Variants in ATG7 observed in about 807,000 individuals in gnomAD.
ATG7 encodes ubiquitin-like modifier-activating enzyme ATG7.
Under a neutral mutation model 82.4 loss-of-function variants are expected in ATG7, and 70 were observed. The ratio of observed to expected loss-of-function variants is 0.85; its 90% CI spans 0.70 to 1.04. ATG7 has a LOEUF of 1.04. Among genes scored for constraint, ATG7 ranks in the 50% least tolerant of loss-of-function variants. ATG7 has a pLI of 0.00. For synonymous variants in ATG7, 287 were observed against 313.0 expected (o/e 0.92, Z 0.88); for missense variants, 792 against 864.3 (o/e 0.92, Z 1.05).
intron 18 of ATG7, among the ~76,000 whole-genome samples, chr3:11,370,534 G>A (rs1316703197): frequency 1.3e-5 from 2 of 151,274 alleles, no homozygotes; most frequent in Non-Finnish European, 2.9e-5. Flanking sequence ...CCAAGCTTTA[G>A]AAATATTGCC....
intron 20 of ATG7, among the ~76,000 whole-genome samples, chr3:11,523,022 G>T (rs2092481679): frequency 6.6e-6 from 1 of 152,178 alleles, no homozygotes; most frequent in South Asian, 2.1e-4. Context: ...TTTCAGAGGT[G>T]CCGATGAAAT....
chr3:11,424,555 A>G (rs1017332100), intron 19 of ATG7, among the ~76,000 whole-genome samples: 1 of 151,772 alleles, frequency 6.6e-6, no homozygotes, highest in Non-Finnish European at 1.5e-5. Context: ...TGATTAAATT[A>G]TGGTGTATTT....
intron 20 of ATG7, among the ~76,000 whole-genome samples, chr3:11,517,235 G>C (rs2092307558): frequency 6.6e-6 from 1 of 152,128 alleles, no homozygotes; most frequent in South Asian, 2.1e-4. Flanking sequence ...CAGCTACTGG[G>C]GAGGCTGAGG....
intron 20 of ATG7, among the ~76,000 whole-genome samples, chr3:11,441,019 T>A (rs1462345920): frequency 6.6e-6 from 1 of 152,006 alleles, no homozygotes; most frequent in African/African-American, 2.4e-5. Flanking sequence ...GTGAAAAAAA[T>A]TCAGTATTAA....
intron 20 of ATG7, among the ~76,000 whole-genome samples, chr3:11,469,803 A>G (rs532590986): frequency 6.6e-6 from 1 of 151,928 alleles, no homozygotes; most frequent in African/African-American, 2.4e-5. Context: ...CCTGAACAAC[A>G]TGGTGAAATC....
At chr3:11,300,051 A>G (rs1185580781) in intron 5 of ATG7, among the ~76,000 whole-genome samples, 1 of 151,998 alleles carries the variant, frequency 6.6e-6, no homozygotes. Context: ...TAGCCTCCCA[A>G]GTAGCTGGGA....
In ATG7 at chr3:11,412,337, CAAGCTTTAACAGCAG is replaced by C. The variant is rs1035400161; in HGVS notation, c.1957-14463_1957-14449del. Among the ~76,000 whole-genome samples, 13 of 149,706 alleles carry C rather than the reference CAAGCTTTAACAGCAG, an allele frequency of 8.7e-5. 1 individual carries two copies. Among genetic ancestry groups the C allele is most frequent in the Admixed American group, 1.3e-4 (2 of 14,934 alleles). On this transcript the variant is annotated intron_variant, in intron 19 of 20. Transcript: ENST00000693202. ...ACTCAGATAAAACAAATATGAGTTT[CAAGCTTTAACAGCAG>C]AAGGGTCAATTTCCATGTTTATCCA... is the stretch of plus-strand genomic sequence containing the variant.
chr3:11,365,988 G>A (rs2076579789), intron 18 of ATG7, among the ~76,000 whole-genome samples: 2 of 152,092 alleles, frequency 1.3e-5, no homozygotes, highest in Non-Finnish European at 2.9e-5. Flanking sequence ...GGGAGGCCGA[G>A]GCGGGTGGAT....
chr3:11,273,957 G>A (rs1402510057), intron 1 of ATG7, among the ~76,000 whole-genome samples: 1 of 152,164 alleles, frequency 6.6e-6, no homozygotes, highest in African/African-American at 2.4e-5. Context: ...AATGGCTCAT[G>A]TTGCTAAACT....
At chr3:11,459,281 C>G (rs1020458263) in intron 20 of ATG7, among the ~76,000 whole-genome samples, 2 of 151,632 alleles carry the variant, frequency 1.3e-5, no homozygotes, top group Non-Finnish European at 2.9e-5. Context: ...TGCCCTGATT[C>G]ATAGATGGCT....
At chr3:11,365,690 CCTT>C (rs1213785786) in intron 18 of ATG7, among the ~76,000 whole-genome samples, 1 of 152,174 alleles carries the variant, frequency 6.6e-6, no homozygotes, top group Non-Finnish European at 1.5e-5. Context: ...TCGCCACCCA[CCTT>C]CTGCCAGCTA....
chr3:11,544,096 C>T (rs1220743993), intron 20 of ATG7, among the ~76,000 whole-genome samples: 1 of 152,248 alleles, frequency 6.6e-6, no homozygotes, highest in African/African-American at 2.4e-5. Flanking sequence ...CAGTCTGAAG[C>T]AGTCACACCG....
chr3:11,309,665 C>T (rs937094952), intron 7 of ATG7, among the ~76,000 whole-genome samples: 1 of 152,030 alleles, frequency 6.6e-6, no homozygotes, highest in South Asian at 2.1e-4. Context: ...ACCAGCTATG[C>T]ATGCATGCGC....
Position 11,555,459 on chromosome 3 carries a change from C to T in ATG7, c.*616C>T, listed in dbSNP as rs1235941407. On this transcript the variant is annotated 3_prime_UTR_variant, in exon 21 of 21. Transcript: ENST00000693202. ...GAGCTGCTCAGACATGGCTTTCTGC[C>T]TCCCAGCCTGTCCTCCACTGTGGGC... 1.3e-5 allele frequency: 2 copies of T among 152,700 alleles called. No individual in the cohort carries two copies. Among genetic ancestry groups the T allele is most frequent in the Non-Finnish European group, 2.9e-5 (2 of 68,450 alleles). 9.5% of individuals were successfully genotyped at this position (152,700 alleles called of 1,614,324 possible).
chr3:11,394,275 TA>T (rs1269463590), intron 19 of ATG7, among the ~76,000 whole-genome samples: 3 of 152,216 alleles, frequency 2.0e-5, no homozygotes. Context: ...ATATATTATA[TA>T]ACAGAATGCT....
At chr3:11,562,850 G>A in the ATG7 span, among the ~76,000 whole-genome samples, 1 of 152,244 alleles carries the variant, frequency 6.6e-6, no homozygotes, top group East Asian at 1.9e-4. Flanking sequence ...GTCCAGGCCA[G>A]GATCCCATAA....
At chr3:11,283,210 G>A (rs1943366968) in intron 3 of ATG7, among the ~76,000 whole-genome samples, 1 of 152,154 alleles carries the variant, frequency 6.6e-6, no homozygotes, top group African/African-American at 2.4e-5. Context: ...CCTCTGTTGT[G>A]CTTGCAGAGC....
At chr3:11,516,565 C>T (rs1403265169) in intron 20 of ATG7, among the ~76,000 whole-genome samples, 1 of 152,158 alleles carries the variant, frequency 6.6e-6, no homozygotes, top group African/African-American at 2.4e-5. Flanking sequence ...CAATTGCACT[C>T]CTTGAGATTT....
intron 20 of ATG7, among the ~76,000 whole-genome samples, chr3:11,480,612 T>G (rs533520471): frequency 6.6e-6 from 1 of 152,180 alleles, no homozygotes; most frequent in Non-Finnish European, 1.5e-5. Flanking sequence ...CTCACTGGTT[T>G]CCTCGACTTC....
Sources: allele counts gnomAD v4.1 joint callset (sites outside exome capture counted in the v4.1 genomes callset), GRCh38; gene constraint gnomAD v4.1.1; transcripts MANE v1.5; gene names NCBI Gene and HGNC (gene_info 2026-07-23, HGNC 2026-07-21).